CHUK: variants seen among roughly 807,000 people sequenced by gnomAD.
CHUK encodes the protein inhibitor of nuclear factor kappa-B kinase subunit alpha.
A neutral mutation model predicts 104.8 loss-of-function variants in CHUK; 35 were observed. The observed-to-expected ratio is 0.33, with a 90% CI of 0.26 to 0.44. The LOEUF (loss-of-function observed/expected upper bound fraction) is 0.44. Ranked by LOEUF, CHUK falls within the 20% of genes least tolerant of loss-of-function variation. The probability of loss-of-function intolerance (pLI) is 1.00; values close to 1 mark genes in which losing one functional copy is unlikely to be tolerated. For synonymous variants in CHUK, 276 were observed against 291.9 expected, an observed-to-expected ratio of 0.95 and a Z score of 0.56; for missense variants, 663 against 902.7, an observed-to-expected ratio of 0.73 and a Z score of 3.40.
At chr10:100,210,181 G>A (rs1438791827) in intron 9 of CHUK, among the ~76,000 whole-genome samples, 2 of 147,752 alleles carry the variant, frequency 1.4e-5, no homozygotes, top group East Asian at 2.0e-4. Context: ...TCCGCCTCCC[G>A]GGTTCACGCC....
At chr10:100,225,286 T>A (rs1846080139) in intron 2 of CHUK, among the ~76,000 whole-genome samples, 1 of 152,238 alleles carries the variant, frequency 6.6e-6, no homozygotes, top group Admixed American at 6.5e-5. Flanking sequence ...GCAAACACCA[T>A]TCTACTTTCT....
chr10:100,222,906 A>G lies in CHUK; in HGVS notation c.275T>C (p.Leu92Pro). ...TCCAGAACAGTATTCCATTGCTAGA[A>G]GAGGCACATCATGAATCAAAATATT... The part of the protein sequence containing the change: ...ELNILIHDVP[L>P]LAMEYCSGGD... Residue 92 changes from leucine to proline, a missense_variant, in exon 3 of 21, where the codon CTT (leucine) becomes CCT (proline). Leu to Pro is a moderately conservative substitution (Grantham distance 98). Coordinates refer to ENST00000370397, the MANE Select transcript of CHUK (RefSeq NM_001278.5). The G allele has an allele frequency of 6.2e-7, 1 of 1,606,460 alleles. No individual in the cohort carries two copies.
At chr10:100,220,433 A>G (rs1265381214) in intron 5 of CHUK, among the ~76,000 whole-genome samples, 155 bp downstream of exon 5, 1 of 152,222 alleles carries the variant, frequency 6.6e-6, no homozygotes, top group Admixed American at 6.5e-5. Flanking sequence ...GGACAAAAAA[A>G]CTAAACACAA....
At chr10:100,205,583 C>T (rs1262180919) in intron 11 of CHUK, among the ~76,000 whole-genome samples, 1 of 152,162 alleles carries the variant, frequency 6.6e-6, no homozygotes, top group African/African-American at 2.4e-5. Context: ...TGAGTCTTTC[C>T]TACCTCTGAA....
chr10:100,205,754 C>G (rs1000141060), intron 11 of CHUK, among the ~76,000 whole-genome samples: 1 of 152,118 alleles, frequency 6.6e-6, no homozygotes, highest in Non-Finnish European at 1.5e-5. Context: ...ACGGTGAAAC[C>G]CTGTCTCTAC....
In CHUK at chr10:100,229,519, G is replaced by A; in HGVS notation, c.14C>T (p.Pro5Leu). MERP[P>L]GLRPGAGGPW... Reference sequence around the variant, plus strand: ...CCCGCCCGCGCCCGGCCGCAGCCCCGGGGGCCGCTCCATGGGGCGGGAGGG... The same window carrying A: ...CCCGCCCGCGCCCGGCCGCAGCCCCAGGGGCCGCTCCATGGGGCGGGAGGG... The change falls in exon 1 of 21, where the codon CCG (proline) becomes CTG (leucine). Residue 5 changes from proline to leucine, a missense_variant. By Grantham distance (98) the Pro-to-Leu change is moderately conservative. This residue lies in a region of CHUK where 44 missense variants were observed against 39.2 expected (regional missense o/e 1.12). Transcript: ENST00000370397. The A allele has an allele frequency of 5.8e-6, 9 of 1,548,638 alleles. No homozygotes were observed. The highest frequency in any genetic ancestry group is 2.4e-5 in the East Asian group (1 of 41,706).
chr10:100,222,222 G>A lies in CHUK; in HGVS notation c.316-41C>T, dbSNP rs537130717. On this transcript the variant is annotated intron_variant, in intron 3 of 20. Coordinates refer to ENST00000370397, the MANE Select transcript of CHUK (RefSeq NM_001278.5). The stretch of plus-strand genomic sequence containing the variant: ...AATCTAAAAATCTGTTCTGCAAATT[G>A]CTGGGCTGCAATAGTGACCACACAT... The A allele has an allele frequency of 4.5e-6, 5 of 1,110,350 alleles. No homozygotes were observed. The Admixed American group carries it at 8.7e-5, about 19-fold the overall frequency. 68.8% of individuals were successfully genotyped at this position (1,110,350 alleles called of 1,614,324 possible). A position where few individuals can be genotyped will look rare whatever the true frequency, so the allele number is the denominator to read the frequency against.
intron 19 of CHUK, 52 bp downstream of exon 19, chr10:100,193,246 C>G: frequency 6.2e-7 from 1 of 1,601,094 alleles, no homozygotes; most frequent in East Asian, 2.2e-5. Flanking sequence ...TGCCTCATTC[C>G]TATACCACTG....
At chr10:100,194,391 G>C in intron 17 of CHUK, 34 bp downstream of exon 17, 1 of 1,420,100 alleles carries the variant, frequency 7.0e-7, no homozygotes. Context: ...AACGTATCCT[G>C]GTTTTTCAGT....
At chr10:100,213,244 G>A (rs1216399842) in intron 9 of CHUK, among the ~76,000 whole-genome samples, 1 of 151,940 alleles carries the variant, frequency 6.6e-6, no homozygotes, top group Non-Finnish European at 1.5e-5. Flanking sequence ...CCTTTGGGAG[G>A]CCAAGACAGG....
intron 16 of CHUK, among the ~76,000 whole-genome samples, chr10:100,199,484 G>A (rs776335316): frequency 2.0e-5 from 3 of 152,052 alleles, no homozygotes; most frequent in African/African-American, 4.8e-5. Flanking sequence ...ATGCCAACAT[G>A]CCCAGCTAAC....
At chr10:100,193,654 A>G (rs1845256379) in intron 18 of CHUK, 1 of 612,336 alleles carries the variant, frequency 1.6e-6, no homozygotes, top group Non-Finnish European at 2.8e-6. Flanking sequence ...ATCTTATACC[A>G]TTTTAGTTGA....
intron 8 of CHUK, among the ~76,000 whole-genome samples, chr10:100,218,354 G>A (rs751066860): frequency 2.0e-5 from 3 of 152,088 alleles, no homozygotes; most frequent in Admixed American, 6.6e-5. Context: ...AACTCTGACG[G>A]ATGAGTCCAA....
chr10:100,205,231 G>A lies in CHUK; in HGVS notation c.1232-32C>T, dbSNP rs569513323. 3 of 1,611,410 alleles carry A rather than the reference G, an allele frequency of 1.9e-6. No individual in the cohort carries two copies. The East Asian group carries it at 6.7e-5, about 36-fold the overall frequency. On this transcript the variant is annotated intron_variant, in intron 11 of 20. Coordinates refer to ENST00000370397, the MANE Select transcript of CHUK (RefSeq NM_001278.5). ...ACAAGAAGATGAGAAAAAGGGCAAG[G>A]GAGGTTAGTTACTTTTGAGGATTTT...
chr10:100,211,013 T>C (rs1356018317), intron 9 of CHUK, among the ~76,000 whole-genome samples: 1 of 152,266 alleles, frequency 6.6e-6, no homozygotes, highest in Non-Finnish European at 1.5e-5. Flanking sequence ...TTGACTAGTA[T>C]ATGCAAATGA....
chr10:100,210,093 T>A (rs960827744), intron 9 of CHUK, among the ~76,000 whole-genome samples: 13 of 103,588 alleles, frequency 1.3e-4, no homozygotes, highest in South Asian at 2.7e-4. Context: ...ATTTATTTAT[T>A]TTTTTTTTTT....
chr10:100,204,444 A>G (rs1845542293), intron 13 of CHUK, 62 bp downstream of exon 13: 1 of 1,450,424 alleles, frequency 6.9e-7, no homozygotes, highest in Non-Finnish European at 9.7e-7. Flanking sequence ...TTAAGAAGGC[A>G]AAATAACAGA....
intron 18 of CHUK, chr10:100,193,639 C>A: frequency 1.6e-6 from 1 of 632,844 alleles, no homozygotes; most frequent in Non-Finnish European, 2.7e-6. Flanking sequence ...CAAATATATC[C>A]ACTCATCTTA....
chr10:100,218,170 T>C (rs967855314), intron 8 of CHUK, 40 bp from the exon 9 acceptor site: 4 of 1,565,664 alleles, frequency 2.6e-6, no homozygotes, highest in Non-Finnish European at 3.5e-6. Context: ...CAAATCATTA[T>C]GTTCCAATTT....
Sources: allele counts gnomAD v4.1 joint callset (sites outside exome capture counted in the v4.1 genomes callset), GRCh38; gene constraint gnomAD v4.1.1; regional missense constraint gnomAD v4.1.1; transcripts MANE v1.5; gene names NCBI Gene and HGNC (gene_info 2026-07-23, HGNC 2026-07-21).